Variants in TARBP2 observed in about 807,000 individuals in gnomAD.
The protein encoded by TARBP2 is RISC-loading complex subunit TARBP2.
A neutral mutation model predicts 40.4 loss-of-function variants in TARBP2; 23 were observed. The ratio of observed to expected loss-of-function variants is 0.57; its 90% CI spans 0.41 to 0.81. The LOEUF is 0.81. Ranked by LOEUF, TARBP2 falls within the 30% of genes least tolerant of loss-of-function variation. TARBP2 has a pLI of 0.00. For missense variants in TARBP2, 358 were observed against 473.7 expected, an observed-to-expected ratio of 0.76 and a Z score of 2.27; for synonymous variants, 183 against 190.5, an observed-to-expected ratio of 0.96 and a Z score of 0.32.
At chr12:53,503,472 G>T in intron 3 of TARBP2, 1 of 572,434 alleles carries the variant, frequency 1.7e-6, no homozygotes, top group Non-Finnish European at 3.1e-6. Flanking sequence ...GGAGTTTGTT[G>T]CTCCTCTGGT....
chr12:53,506,085 A>G lies in TARBP2; in HGVS notation c.1038A>G (p.Ala346=). The part of the protein sequence containing the change: ...VCHGSATTRE[A]ARGEAARRAL... Reference sequence around the variant, plus strand: ...ATGGCTCTGCAACCACCAGGGAGGCAGCCCGTGGTGAGGCTGCCCGCCGTG... The same window carrying G: ...ATGGCTCTGCAACCACCAGGGAGGCGGCCCGTGGTGAGGCTGCCCGCCGTG... The change falls in exon 9 of 9, where the codon GCA becomes GCG. Residue 346 remains alanine (A), a synonymous_variant. Transcript: ENST00000266987. The G allele has an allele frequency of 6.2e-7, 1 of 1,613,976 alleles. No homozygotes were observed. Among genetic ancestry groups the G allele is most frequent in the Non-Finnish European group, 8.5e-7 (1 of 1,180,012 alleles).
At chr12:53,502,354 G>A in intron 2 of TARBP2, 170 bp downstream of exon 2, 1 of 896,140 alleles carries the variant, frequency 1.1e-6, no homozygotes, top group Non-Finnish European at 1.7e-6. Context: ...GTAAGAAGGT[G>A]GGTAGGACGT....
At chr12:53,502,610 A>G (rs1943769304) in intron 2 of TARBP2, 1 of 212,762 alleles carries the variant, frequency 4.7e-6, no homozygotes, top group Non-Finnish European at 9.1e-6. Context: ...CCCATGTTGA[A>G]TATGAGGAAA....
At position 53,503,094 on chromosome 12, in the gene TARBP2, G is replaced by T. The variant is rs138922911; in HGVS notation, c.291G>T (p.Gly97=). ...AGGTGGCCCTCAAACACCTCAAAGG[G>T]GGGAGCATGCTGGAGCCGGCCCTGG... ...AAEVALKHLK[G]GSMLEPALED... Residue 97 remains glycine, a synonymous_variant, in exon 3 of 9, where the codon GGG becomes GGT. Transcript: ENST00000266987. 1,877 of 1,550,728 alleles carry T rather than the reference G, an allele frequency of 1.2e-3. 3 individuals carry two copies. Among genetic ancestry groups the T allele is most frequent in the Non-Finnish European group, 1.2e-3 (1,407 of 1,146,502 alleles).
chr12:53,505,909 A>AG lies in TARBP2; in HGVS notation c.943+64dup. 6 of 1,605,934 alleles carry AG rather than the reference A, an allele frequency of 3.7e-6. No individual in the cohort carries two copies. The highest frequency in any genetic ancestry group is 5.1e-6 in the Non-Finnish European group (6 of 1,173,622). ...TGGGGGCTGGACCGGAGCAAGTAGA[A>AG]GGGGGTGATGATAACGTGAACGCAC... On this transcript the variant is annotated intron_variant, in intron 8 of 8. Transcript: ENST00000266987. The surrounding 1 kb of genome is among the most constrained non-coding windows in gnomAD (Gnocchi z 4.5).
In TARBP2 at chr12:53,506,328, A is replaced by G; in HGVS notation, c.*180A>G. 2 of 720,070 alleles carry G rather than the reference A, an allele frequency of 2.8e-6. No individual in the cohort carries two copies. The allele number at this position is 720,070 out of a possible 1,614,324, so 44.6% of individuals were successfully genotyped here. ...AGCCAAGGACCACAGAGCCTCAGCCAGCCCAGGATCCGTCCTCATTTTATT... is the reference window on the plus strand; with the variant it reads ...AGCCAAGGACCACAGAGCCTCAGCCGGCCCAGGATCCGTCCTCATTTTATT... On this transcript the variant is annotated 3_prime_UTR_variant, in exon 9 of 9. Coordinates refer to ENST00000266987, the MANE Select transcript of TARBP2 (RefSeq NM_134323.2).
Position 53,501,981 on chromosome 12 carries a change from G to A in TARBP2, c.54-34G>A, listed in dbSNP as rs577242029. On this transcript the variant is annotated intron_variant, in intron 1 of 8. Coordinates refer to ENST00000266987, the MANE Select transcript of TARBP2 (RefSeq NM_134323.2). ...CTTGGCTAGGTGGGTGCAGAGAGGGGAGGTGTGATGTGGGTCTGTGCCCCT... is the reference window on the plus strand; with the variant it reads ...CTTGGCTAGGTGGGTGCAGAGAGGGAAGGTGTGATGTGGGTCTGTGCCCCT... 14 of 1,612,358 alleles carry A rather than the reference G, an allele frequency of 8.7e-6. No homozygotes were observed. The South Asian group carries it at 1.3e-4, about 15-fold the overall frequency.
In TARBP2 at chr12:53,503,760, T is replaced by A. The variant is rs1943829372; in HGVS notation, c.374T>A (p.Phe125Tyr). The change falls in exon 4 of 9, where the codon TTT (phenylalanine) becomes TAT (tyrosine). Residue 125 changes from phenylalanine to tyrosine, a missense_variant. By Grantham distance (22) the Phe-to-Tyr change is conservative. Transcript: ENST00000266987. Reference sequence around the variant, plus strand: ...TCACTGCCTGAGGACATTCCGGTTTTTACTGCTGCAGCAGCTGCTACCCCA... The same window carrying A: ...TCACTGCCTGAGGACATTCCGGTTTATACTGCTGCAGCAGCTGCTACCCCA... Reference protein sequence around the residue: ...DSSLPEDIPVFTAAAAATPVP... With the variant: ...DSSLPEDIPVYTAAAAATPVP... 6.2e-7 allele frequency: 1 copy of A among 1,614,226 alleles called. No homozygotes were observed. The highest frequency in any genetic ancestry group is 8.5e-7 in the Non-Finnish European group (1 of 1,180,034).
At chr12:53,501,194 C>A, upstream of TARBP2, 2 of 585,994 alleles carry the variant, frequency 3.4e-6, no homozygotes, top group Non-Finnish European at 6.0e-6. Flanking sequence ...CCTGCCCGGG[C>A]GAGCCACGCA....
In TARBP2 at chr12:53,503,778, C is replaced by T. The variant is rs1199537568; in HGVS notation, c.392C>T (p.Ala131Val). Residue 131 changes from alanine (A) to valine (V), a missense_variant, in exon 4 of 9, where the codon GCT (alanine) becomes GTT (valine). This residue lies in a region of TARBP2 where 317 missense variants were observed against 422.9 expected (regional missense o/e 0.75). Coordinates refer to ENST00000266987, the MANE Select transcript of TARBP2 (RefSeq NM_134323.2). Reference sequence around the variant, plus strand: ...CCGGTTTTTACTGCTGCAGCAGCTGCTACCCCAGTTCCATCTGTAGTCCTA... The same window carrying T: ...CCGGTTTTTACTGCTGCAGCAGCTGTTACCCCAGTTCCATCTGTAGTCCTA... The part of the protein sequence containing the change: ...DIPVFTAAAA[A>V]TPVPSVVLTR... The T allele has an allele frequency of 6.2e-7, 1 of 1,614,226 alleles. No individual in the cohort carries two copies. Among genetic ancestry groups the T allele is most frequent in the African/African-American group, 1.3e-5 (1 of 75,062 alleles).
intron 1 of TARBP2, 29 bp downstream of exon 1, chr12:53,501,490 G>A: frequency 2.6e-6 from 4 of 1,556,568 alleles, no homozygotes; most frequent in Non-Finnish European, 3.5e-6. Context: ...ATTCCTTCAG[G>A]GCGAAAAGCG....
At position 53,505,934 on chromosome 12, in the gene TARBP2, C is replaced by T. The variant is rs1943962738; in HGVS notation, c.944-57C>T. ...AGGGGGTGATGATAACGTGAACGCA[C>T]CCCTCCCCAGGGCTACCTCCCCCAA... On this transcript the variant is annotated intron_variant, in intron 8 of 8. Transcript: ENST00000266987. The surrounding 1 kb of genome is among the most constrained non-coding windows in gnomAD (Gnocchi z 4.5). 4 of 1,604,442 alleles carry T rather than the reference C, an allele frequency of 2.5e-6. No homozygotes were observed. The East Asian group carries it at 6.7e-5, about 27-fold the overall frequency.
chr12:53,504,112 G>A (rs1467109438), intron 4 of TARBP2: 1 of 572,304 alleles, frequency 1.7e-6, no homozygotes, highest in Non-Finnish European at 3.1e-6. Flanking sequence ...GGCACTTCTG[G>A]GACTGGAAAT....
chr12:53,503,322 G>C, intron 3 of TARBP2, 193 bp downstream of exon 3: 1 of 1,322,684 alleles, frequency 7.6e-7, no homozygotes, highest in Non-Finnish European at 9.9e-7. Context: ...GGAGGGGTTG[G>C]TTAGCCCCAT....
At chr12:53,501,564 G>C (rs1943708609) in intron 1 of TARBP2, 103 bp downstream of exon 1, 1 of 1,520,670 alleles carries the variant, frequency 6.6e-7, no homozygotes, top group South Asian at 1.2e-5. Flanking sequence ...GGTTGTTCCC[G>C]GCAAGCACTG....
In TARBP2 at chr12:53,501,901, G is replaced by A. The variant is rs570185186; in HGVS notation, c.54-114G>A. 7 of 1,475,408 alleles carry A rather than the reference G, an allele frequency of 4.7e-6. No individual in the cohort carries two copies. The South Asian group carries it at 9.3e-5, about 20-fold the overall frequency. The allele number at this position is 1,475,408 out of a possible 1,614,324, so 91.4% of individuals were successfully genotyped here. A position where few individuals can be genotyped will look rare whatever the true frequency, so the allele number is the denominator to read the frequency against. Reference sequence around the variant, plus strand: ...CCAGCCAATGGATGCTAGACTGTCTGGGGTTCCTTGGACCCTATGTCCCCC... The same window carrying A: ...CCAGCCAATGGATGCTAGACTGTCTAGGGTTCCTTGGACCCTATGTCCCCC... On this transcript the variant is annotated intron_variant, in intron 1 of 8. Coordinates refer to ENST00000266987, the MANE Select transcript of TARBP2 (RefSeq NM_134323.2).
chr12:53,504,230 C>A (rs887373867), intron 4 of TARBP2, 167 bp from the exon 5 acceptor site: 4 of 640,864 alleles, frequency 6.2e-6, no homozygotes, highest in Non-Finnish European at 7.8e-6. Context: ...GGAAGGAAGC[C>A]GGCTAGAGCA....
rs760878717 is a variant in TARBP2 at position 53,504,436 on chromosome 12, G to A, written c.462G>A (p.Gln154=). 4 of 1,612,780 alleles carry A rather than the reference G, an allele frequency of 2.5e-6. No individual in the cohort carries two copies. The highest frequency in any genetic ancestry group is 3.4e-6 in the Non-Finnish European group (4 of 1,179,422). The change falls in exon 5 of 9, where the codon CAG becomes CAA. Residue 154 remains glutamine, a synonymous_variant. Transcript: ENST00000266987. The part of the protein sequence containing the change: ...PMELQPPVSP[Q]QSECNPVGAL... ...AACTGCAGCCCCCTGTCTCCCCTCA[G>A]CAGTCTGAGTGCAACCCCGTTGGTG...
chr12:53,501,508 G>C (rs1337503945), intron 1 of TARBP2, 47 bp downstream of exon 1: 1 of 1,551,720 alleles, frequency 6.4e-7, no homozygotes, highest in Non-Finnish European at 8.7e-7. Context: ...GCGTGGGGCC[G>C]TGCGGAGGGA....
Sources: gnomAD v4.1 joint callset for allele counts on GRCh38, gnomAD v4.1.1 for gene constraint, gnomAD v4.1.1 regional missense constraint, Gnocchi (gnomAD v3.1) non-coding constraint, MANE v1.5 for transcripts, NCBI Gene and HGNC (gene_info 2026-07-23, HGNC 2026-07-21) for gene names.